The following DIAPH2 variants were observed in gnomAD, a reference collection of about 807,000 sequenced individuals.
DIAPH2 encodes diaphanous related formin 2.
In DIAPH2, 35 loss-of-function variants were observed where a neutral mutation model predicts 92.7. The observed-to-expected ratio is 0.38, with a 90% CI of 0.29 to 0.50. DIAPH2 has a LOEUF of 0.50. DIAPH2 is among the 20% of genes least tolerant of loss of function. The pLI is 0.94. For missense variants in DIAPH2, 701 were observed against 819.5 expected, an observed-to-expected ratio of 0.86 and a Z score of 1.77; for synonymous variants, 301 against 280.4, an observed-to-expected ratio of 1.07 and a Z score of -0.73.
rs781297832 is a variant in DIAPH2, at chrX:97,072,925, A to G, written c.2051-16A>G. ...TAGTACCCTTATTGTTTATGAATCA[A>G]CATTTTTTCTTTCAGTTCAAAAGAA... On this transcript the variant is annotated splice_polypyrimidine_tract_variant and intron_variant, in intron 17 of 26. Coordinates refer to ENST00000324765, the MANE Select transcript of DIAPH2 (RefSeq NM_006729.5). 44 of 1,127,769 alleles carry G rather than the reference A, an allele frequency of 3.9e-5. No individual in the cohort carries two copies. The highest frequency in any genetic ancestry group is 3.0e-5 in the Non-Finnish European group (25 of 834,668). 92.9% of individuals were successfully genotyped at this position (1,127,769 alleles called of 1,213,427 possible).
At chrX:96,996,821 G>T (rs966768287) in intron 17 of DIAPH2, among the ~76,000 whole-genome samples, 36 of 112,122 alleles carry the variant, frequency 3.2e-4, no homozygotes, top group African/African-American at 1.1e-3. Context: ...GTTGATTTCA[G>T]TGTATTTTTG....
chrX:97,269,289 A>G (rs753671456), intron 23 of DIAPH2, among the ~76,000 whole-genome samples: 238 of 111,864 alleles, frequency 2.1e-3, no homozygotes, highest in African/African-American at 7.5e-3. Context: ...AAGTGGCACA[A>G]GTGAGGTATG....
chrX:97,530,647 C>T (rs1167964452), intron 26 of DIAPH2, among the ~76,000 whole-genome samples: 1 of 111,262 alleles, frequency 9.0e-6, no homozygotes, highest in Non-Finnish European at 1.9e-5. Context: ...GAAACTGAAC[C>T]AAGGGAAAAA....
intron 23 of DIAPH2, among the ~76,000 whole-genome samples, chrX:97,346,576 A>G (rs141633176): frequency 0.021 from 2,383 of 112,149 alleles, 66 homozygotes; most frequent in African/African-American, 0.073. Flanking sequence ...TTTATTTAAT[A>G]TAAGTTTTAT....
chrX:97,155,593 T>C (rs960749328), intron 22 of DIAPH2, among the ~76,000 whole-genome samples: 1 of 111,995 alleles, frequency 8.9e-6, no homozygotes, highest in Non-Finnish European at 1.9e-5. Flanking sequence ...CCTTGAAATT[T>C]ATGTGTTTTT....
intron 22 of DIAPH2, among the ~76,000 whole-genome samples, chrX:97,170,783 AT>A (rs2067446557): frequency 9.0e-6 from 1 of 111,509 alleles, no homozygotes; most frequent in Non-Finnish European, 1.9e-5. Flanking sequence ...ATTGGAGTCC[AT>A]TTTTTTCTGT....
intron 22 of DIAPH2, 82 bp from the exon 23 acceptor site, chrX:97,247,633 C>A: frequency 3.2e-6 from 3 of 946,853 alleles, no homozygotes; most frequent in East Asian, 3.2e-5. Flanking sequence ...AAAAAAAAGA[C>A]TTTAACTGAT....
intron 22 of DIAPH2, among the ~76,000 whole-genome samples, chrX:97,197,334 A>G (rs991244138): frequency 1.8e-5 from 2 of 112,172 alleles, no homozygotes; most frequent in African/African-American, 6.5e-5. Context: ...ATTCATGTAC[A>G]TAAGTATATA....
rs1488233440 is a variant in DIAPH2, at chrX:97,523,438, C to A, written c.3242-75815C>A. ...ATTCTTATCAATTCCAATTCATAATCCTATTTTATTTAAGTGGTTATCTTT... is the reference window on the plus strand; with the variant it reads ...ATTCTTATCAATTCCAATTCATAATACTATTTTATTTAAGTGGTTATCTTT... On this transcript the variant is annotated intron_variant, in intron 26 of 26. Transcript: ENST00000324765. Among the ~76,000 whole-genome samples the A allele has an allele frequency of 1.8e-4, 20 of 111,868 alleles. 1 individual carries two copies. Among genetic ancestry groups the A allele is most frequent in the Non-Finnish European group, 3.4e-4 (18 of 53,181 alleles).
intron 11 of DIAPH2, 75 bp downstream of exon 11, chrX:96,937,426 T>C: frequency 3.4e-6 from 2 of 591,125 alleles, no homozygotes; most frequent in Non-Finnish European, 2.6e-6. Context: ...TTGTGGAACA[T>C]TATTAGAGTT....
At chrX:97,487,486 G>A (rs756541651) in intron 26 of DIAPH2, among the ~76,000 whole-genome samples, 1 of 111,200 alleles carries the variant, frequency 9.0e-6, no homozygotes, top group African/African-American at 3.3e-5. Context: ...ATGTTAGCCA[G>A]GATGGTCTTG....
intron 22 of DIAPH2, among the ~76,000 whole-genome samples, chrX:97,247,160 G>A (rs2068149366): frequency 9.0e-6 from 1 of 111,561 alleles, no homozygotes; most frequent in African/African-American, 3.3e-5. Context: ...ACGTTCATTT[G>A]TGTTTGCTGG....
chrX:97,310,882 C>T (rs1181608227), intron 23 of DIAPH2, among the ~76,000 whole-genome samples: 1 of 111,313 alleles, frequency 9.0e-6, no homozygotes, highest in Non-Finnish European at 1.9e-5. Flanking sequence ...TGGTGGCAGG[C>T]GCCTGTAATC....
chrX:97,368,899 C>CTTTTTTTTTTTT (rs386417287), intron 24 of DIAPH2, among the ~76,000 whole-genome samples: 3 of 52,058 alleles, frequency 5.8e-5, no homozygotes, highest in African/African-American at 7.6e-5. Context: ...TCTACCCTTT[C>CTTTTTTTTTTTT]TTTTTTTTTT....
At chrX:97,239,940 C>T (rs1014862186) in intron 22 of DIAPH2, among the ~76,000 whole-genome samples, 1 of 109,957 alleles carries the variant, frequency 9.1e-6, no homozygotes, top group Non-Finnish European at 1.9e-5. Context: ...GTAGTGTAGG[C>T]AAAGACCTAG....
chrX:97,328,435 AAAACAAACAAAC>A (rs543823929), intron 23 of DIAPH2, among the ~76,000 whole-genome samples: 1 of 111,363 alleles, frequency 9.0e-6, no homozygotes, highest in Non-Finnish European at 1.9e-5. Context: ...TCTGTATCAA[AAAACAAACAAAC>A]AAACAAACAA....
At chrX:96,750,017 A>T (rs912343296) in intron 3 of DIAPH2, among the ~76,000 whole-genome samples, 2 of 109,659 alleles carry the variant, frequency 1.8e-5, no homozygotes, top group Non-Finnish European at 3.8e-5. Context: ...CACTTTTTGT[A>T]AATGAAAAAT....
intron 26 of DIAPH2, chrX:97,442,559 G>A (rs370268182): frequency 1.2e-4 from 14 of 112,358 alleles, no homozygotes; most frequent in African/African-American, 4.5e-4. Flanking sequence ...CTCTCATACA[G>A]GCTCATTTCT....
At chrX:96,750,121 G>A (rs187452173) in intron 3 of DIAPH2, among the ~76,000 whole-genome samples, 160 of 96,064 alleles carry the variant, frequency 1.7e-3, no homozygotes, top group Admixed American at 3.3e-3. Flanking sequence ...GCAGCTGCGC[G>A]ATCTCTGCTC....
Sources: allele counts gnomAD v4.1 joint callset (sites outside exome capture counted in the v4.1 genomes callset), GRCh38; gene constraint gnomAD v4.1.1; transcripts MANE v1.5; gene names NCBI Gene and HGNC (gene_info 2026-07-23, HGNC 2026-07-21).